CEP162: variants seen among roughly 807,000 people sequenced by gnomAD.
CEP162 encodes the protein centrosomal protein of 162 kDa.
In CEP162, 141 loss-of-function variants were observed where a neutral mutation model predicts 169.2. The ratio of observed to expected loss-of-function variants is 0.83; its 90% CI spans 0.73 to 0.96. The LOEUF is 0.96. Ranked by LOEUF, CEP162 falls within the 40% of genes least tolerant of loss-of-function variation. The pLI, the probability that CEP162 is intolerant of heterozygous loss-of-function variation, is 0.00. For synonymous variants in CEP162, 540 were observed against 526.4 expected, an observed-to-expected ratio of 1.03 and a Z score of -0.35; for missense variants, 1,600 against 1,587.2, an observed-to-expected ratio of 1.01 and a Z score of -0.14.
intron 17 of CEP162, among the ~76,000 whole-genome samples, chr6:84,171,277 C>T (rs1362806162): frequency 1.3e-5 from 2 of 152,072 alleles, no homozygotes; most frequent in Non-Finnish European, 2.9e-5. Context: ...CAAATGGTTC[C>T]TTGGGAAATG....
intron 22 of CEP162, among the ~76,000 whole-genome samples, chr6:84,154,330 A>ATCTGTCTGTCTGTCTGTCTG (rs561247395): frequency 1.3e-5 from 2 of 149,338 alleles, no homozygotes; most frequent in African/African-American, 5.0e-5. Context: ...CTATCTATCT[A>ATCTGTCTGTCTGTCTGTCTG]TCTGTCTGTC....
At chr6:84,152,040 T>C (rs573287166) in intron 23 of CEP162, among the ~76,000 whole-genome samples, 1 of 152,192 alleles carries the variant, frequency 6.6e-6, no homozygotes, top group East Asian at 1.9e-4. Flanking sequence ...AGACAGTGGA[T>C]AGCAAATGGA....
At chr6:84,202,657 A>G (rs899198845) in intron 7 of CEP162, among the ~76,000 whole-genome samples, 1 of 150,882 alleles carries the variant, frequency 6.6e-6, no homozygotes, top group Non-Finnish European at 1.5e-5. Flanking sequence ...CCTCCCGAGC[A>G]GCTGGGACTA....
At chr6:84,148,970 C>G (rs1268664827) in intron 24 of CEP162, among the ~76,000 whole-genome samples, 1 of 152,162 alleles carries the variant, frequency 6.6e-6, no homozygotes, top group Middle Eastern at 3.4e-3. Flanking sequence ...AGTAGATATA[C>G]CTATTTTTCA....
rs185683662 is a variant in CEP162 at position 84,128,617 on chromosome 6, C to T, written c.3871-2105G>A. Among the ~76,000 whole-genome samples, 518 of 152,170 alleles carry T rather than the reference C, an allele frequency of 3.4e-3. 1 individual carries two copies. The highest frequency in any genetic ancestry group is 3.7e-3 in the Non-Finnish European group (254 of 68,004). ...TCTAAAATGGGAATAATAGTAGTAA[C>T]TACTCTTTTGGTTGTGATGAGAATC... On this transcript the variant is annotated intron_variant, in intron 25 of 26. Coordinates refer to ENST00000403245, the MANE Select transcript of CEP162 (RefSeq NM_014895.4).
chr6:84,145,140 G>A (rs1337270054), intron 25 of CEP162, among the ~76,000 whole-genome samples: 7 of 152,188 alleles, frequency 4.6e-5, no homozygotes, highest in East Asian at 1.9e-4. Context: ...CCTTACATAC[G>A]AGGTTTCCTT....
intron 6 of CEP162, among the ~76,000 whole-genome samples, chr6:84,206,283 CA>C (rs1320760577): frequency 1.3e-5 from 2 of 149,360 alleles, no homozygotes; most frequent in Non-Finnish European, 2.9e-5. Flanking sequence ...GCAGAAAGAA[CA>C]AAGCTGGAGG....
At chr6:84,202,078 G>A (rs1459508810) in intron 7 of CEP162, among the ~76,000 whole-genome samples, 1 of 152,102 alleles carries the variant, frequency 6.6e-6, no homozygotes, top group Non-Finnish European at 1.5e-5. Context: ...AGAATTCTCT[G>A]GTTTTTTTGA....
chr6:84,141,942 A>G (rs920076504), intron 25 of CEP162, among the ~76,000 whole-genome samples: 2 of 152,290 alleles, frequency 1.3e-5, no homozygotes, highest in Middle Eastern at 3.4e-3. Context: ...ATGCCCTAAA[A>G]TGCCTTCTTG....
intron 10 of CEP162, among the ~76,000 whole-genome samples, chr6:84,194,541 T>A (rs928567257): frequency 5.3e-5 from 8 of 151,292 alleles, no homozygotes; most frequent in Admixed American, 2.7e-4. Flanking sequence ...GCAACCTTCG[T>A]CTCCCGTGTT....
rs1204036130 is a variant in CEP162, at chr6:84,149,530, A to C, written c.3771+32T>G. 3 of 1,522,248 alleles carry C rather than the reference A, an allele frequency of 2.0e-6. No individual in the cohort carries two copies. The Admixed American group carries it at 6.5e-5, about 33-fold the overall frequency. 94.3% of individuals were successfully genotyped at this position (1,522,248 alleles called of 1,614,324 possible). A position where few individuals can be genotyped will look rare whatever the true frequency, so the allele number is the denominator to read the frequency against. ...CATTAAAGTCAAAACGAGTTTATTC[A>C]AGTCAAAAGATAAAACAGATTTGTC... is the stretch of plus-strand genomic sequence containing the variant. On this transcript the variant is annotated intron_variant, in intron 24 of 26. Coordinates refer to ENST00000403245, the MANE Select transcript of CEP162 (RefSeq NM_014895.4).
chr6:84,221,062 T>C lies in CEP162; in HGVS notation c.167A>G (p.Asp56Gly), dbSNP rs1379344906. The C allele has an allele frequency of 1.3e-6, 2 of 1,529,300 alleles. No homozygotes were observed. The highest frequency in any genetic ancestry group is 1.7e-5 in the Admixed American group (1 of 59,282). 94.7% of individuals were successfully genotyped at this position (1,529,300 alleles called of 1,614,324 possible). The change falls in exon 3 of 27, where the codon GAT (aspartate) becomes GGT (glycine). Residue 56 changes from aspartate (D) to glycine (G), a missense_variant. Coordinates refer to ENST00000403245, the MANE Select transcript of CEP162 (RefSeq NM_014895.4). Reference sequence around the variant, plus strand: ...TAAAAATCAGCAACATTTACCATCATCTTTAAAATCATCTTCAGTTATCCA... The same window carrying C: ...TAAAAATCAGCAACATTTACCATCACCTTTAAAATCATCTTCAGTTATCCA... ...PWWITEDDFK[D>G]DGLLGTNVSY...
In CEP162 at chr6:84,134,951, CACACATAT is replaced by C. The variant is rs1343338871; in HGVS notation, c.3871-8447_3871-8440del. On this transcript the variant is annotated intron_variant, in intron 25 of 26. Transcript: ENST00000403245. ...ACACACACACACACACACACACACA[CACACATAT>C]ATAGTGTTAGGTTAAAAATGCTTTG... Among the ~76,000 whole-genome samples the C allele has an allele frequency of 1.6e-3, 247 of 150,104 alleles. 1 individual carries two copies. The East Asian group carries it at 0.034, about 20-fold the overall frequency.
At chr6:84,186,900 C>A (rs995556538) in intron 11 of CEP162, among the ~76,000 whole-genome samples, 19 of 152,190 alleles carry the variant, frequency 1.2e-4, no homozygotes, top group Middle Eastern at 6.8e-3. Flanking sequence ...CCAAACCAAA[C>A]AAGACTGAGA....
At position 84,153,036 on chromosome 6, in the gene CEP162, T is replaced by C; in HGVS notation, c.3138A>G (p.Glu1046=). The C allele has an allele frequency of 6.2e-7, 1 of 1,613,570 alleles. No individual in the cohort carries two copies. Among genetic ancestry groups the C allele is most frequent in the Admixed American group, 1.7e-5 (1 of 59,882 alleles). The change falls in exon 23 of 27, where the codon GAA becomes GAG. Residue 1046 remains glutamate, a synonymous_variant. Transcript: ENST00000403245. The part of the protein sequence containing the change: ...EAHQITVRNL[E]AEIDVLKHQN... ...GATGTTTAAGAACGTCTATTTCGGC[T>C]TCAAGGTTTCTTACAGTGATCTGAT... is the stretch of plus-strand genomic sequence containing the variant.
chr6:84,200,724 T>G, intron 9 of CEP162, 65 bp downstream of exon 9: 1 of 720,408 alleles, frequency 1.4e-6, no homozygotes, highest in Admixed American at 2.0e-5. Context: ...TCCTTAGAAA[T>G]GTAGTCATAT....
intron 23 of CEP162, among the ~76,000 whole-genome samples, chr6:84,150,307 TATAA>T (rs1471640586): frequency 1.3e-5 from 2 of 152,180 alleles, no homozygotes; most frequent in Admixed American, 6.6e-5. Context: ...TGGTTAAAAT[TATAA>T]ATAAAGATTT....
chr6:84,226,187 A>ACTAG (rs2099555670), intron 2 of CEP162, 150 bp downstream of exon 2: 1 of 605,882 alleles, frequency 1.7e-6, no homozygotes, highest in African/African-American at 1.9e-5. Flanking sequence ...ATGGCACTGA[A>ACTAG]CTAGCAGTGG....
At chr6:84,194,846 A>G (rs779844811) in intron 10 of CEP162, 38 bp downstream of exon 10, 3 of 1,354,012 alleles carry the variant, frequency 2.2e-6, no homozygotes, top group South Asian at 1.2e-5. Context: ...TTTAGAAAGG[A>G]TATCAAATAA....
Sources: gnomAD v4.1 joint callset for allele counts (sites outside exome capture counted in the v4.1 genomes callset) on GRCh38, gnomAD v4.1.1 for gene constraint, MANE v1.5 for transcripts, NCBI Gene and HGNC (gene_info 2026-07-23, HGNC 2026-07-21) for gene names.